VPS13D: variants seen among roughly 807,000 people sequenced by gnomAD.
The protein encoded by VPS13D is intermembrane lipid transfer protein VPS13D.
VPS13D carries 187 observed loss-of-function variants against 461.9 expected under a neutral mutation model. The ratio of observed to expected loss-of-function variants is 0.40; its 90% CI spans 0.36 to 0.46. VPS13D has a LOEUF of 0.46. Ranked by LOEUF, VPS13D falls within the 20% of genes least tolerant of loss-of-function variation. VPS13D has a pLI of 0.60. For missense variants in VPS13D, 4,711 were observed against 5,364.9 expected, an observed-to-expected ratio of 0.88 and a Z score of 3.81; for synonymous variants, 1,951 against 1,986.3, an observed-to-expected ratio of 0.98 and a Z score of 0.47.
chr1:12,372,465 T>A (rs1226136958), intron 54 of VPS13D, among the ~76,000 whole-genome samples: 3 of 152,202 alleles, frequency 2.0e-5, no homozygotes, highest in Admixed American at 6.5e-5. Context: ...TAACTAATGA[T>A]GTTATGCGTC....
intron 61 of VPS13D, 111 bp from the exon 62 acceptor site, chr1:12,401,497 T>A: frequency 1.4e-6 from 1 of 709,962 alleles, no homozygotes; most frequent in Non-Finnish European, 2.3e-6. Context: ...ATTATAGTTA[T>A]AAAGCCACAT....
At chr1:12,239,606 G>T (rs1640278617) in intron 2 of VPS13D, among the ~76,000 whole-genome samples, 1 of 152,224 alleles carries the variant, frequency 6.6e-6, no homozygotes, top group Non-Finnish European at 1.5e-5. Flanking sequence ...CTGAACTTCA[G>T]CCTGGGGGCC....
rs367612289 is a variant in VPS13D, at chr1:12,395,783, C to T, written c.11635-4398C>T. On this transcript the variant is annotated intron_variant, in intron 60 of 69. Transcript: ENST00000620676. ...CATTTATTTTGCATAATTCTCCAAACGGTTCACGCCAAGGACTATCAGCAT... is the reference window on the plus strand; with the variant it reads ...CATTTATTTTGCATAATTCTCCAAATGGTTCACGCCAAGGACTATCAGCAT... Among the ~76,000 whole-genome samples the T allele has an allele frequency of 1.9e-3, 285 of 151,682 alleles. 4 individuals carry two copies. Among genetic ancestry groups the T allele is most frequent in the African/African-American group, 5.5e-3 (226 of 41,256 alleles).
chr1:12,420,706 C>T (rs1644852273), intron 65 of VPS13D, among the ~76,000 whole-genome samples: 1 of 152,146 alleles, frequency 6.6e-6, no homozygotes, highest in Non-Finnish European at 1.5e-5. Context: ...GGCTGGTAGT[C>T]AGGATTGCCA....
Position 12,257,042 on chromosome 1 carries a change from A to G in VPS13D, c.896A>G (p.Gln299Arg). 2 of 1,614,230 alleles carry G rather than the reference A, an allele frequency of 1.2e-6. No individual in the cohort carries two copies. Among genetic ancestry groups the G allele is most frequent in the Non-Finnish European group, 1.7e-6 (2 of 1,180,036 alleles). Residue 299 changes from glutamine (Q) to arginine (R), a missense_variant, in exon 9 of 70, where the codon CAG becomes CGG. By Grantham distance (43) the Gln-to-Arg change is conservative (BLOSUM62 1). Coordinates refer to ENST00000620676, the MANE Select transcript of VPS13D (RefSeq NM_015378.4). Reference sequence around the variant, plus strand: ...AAGGAGCTGGAACGAAAGGAGAGGCAGGTGAAGTTCCGAAGGTGGAAACCC... The same window carrying G: ...AAGGAGCTGGAACGAAAGGAGAGGCGGGTGAAGTTCCGAAGGTGGAAACCC... The part of the protein sequence containing the change: ...FLKELERKER[Q>R]VKFRRWKPKV...
chr1:12,380,070 C>T (rs866442543), intron 57 of VPS13D, among the ~76,000 whole-genome samples: 16 of 152,018 alleles, frequency 1.1e-4, no homozygotes, highest in African/African-American at 3.4e-4. Flanking sequence ...CGCCCAGCCC[C>T]GCATTTGTGT....
At chr1:12,280,136 CT>C (rs942713358) in intron 20 of VPS13D, among the ~76,000 whole-genome samples, 3 of 152,018 alleles carry the variant, frequency 2.0e-5, no homozygotes, top group Non-Finnish European at 2.9e-5. Flanking sequence ...TACACCTTTT[CT>C]TTTTTTTCCT....
chr1:12,303,389 C>G (rs552002672), intron 25 of VPS13D, among the ~76,000 whole-genome samples: 1 of 152,240 alleles, frequency 6.6e-6, no homozygotes, highest in South Asian at 2.1e-4. Context: ...TTAATCTTCT[C>G]AAGCCACTGA....
intron 65 of VPS13D, among the ~76,000 whole-genome samples, chr1:12,452,098 C>G (rs1449773731): frequency 6.6e-6 from 1 of 152,218 alleles, no homozygotes; most frequent in Non-Finnish European, 1.5e-5. Flanking sequence ...CTACTGAGGT[C>G]TTGAAGGCAA....
At chr1:12,469,599 G>A (rs910744004) in intron 67 of VPS13D, among the ~76,000 whole-genome samples, 3 of 152,244 alleles carry the variant, frequency 2.0e-5, no homozygotes, top group African/African-American at 4.8e-5. Context: ...AGCACATATC[G>A]GCAATGATGG....
At chr1:12,497,882 T>C (rs1645981662) in intron 68 of VPS13D, among the ~76,000 whole-genome samples, 1 of 152,220 alleles carries the variant, frequency 6.6e-6, no homozygotes, top group African/African-American at 2.4e-5. Context: ...AAAATGACAG[T>C]CTCTTTCTAG....
At chr1:12,434,565 CT>C (rs1645034835) in intron 65 of VPS13D, among the ~76,000 whole-genome samples, 1 of 152,114 alleles carries the variant, frequency 6.6e-6, no homozygotes, top group African/African-American at 2.4e-5. Context: ...TTTTCCTGTA[CT>C]TTCGTTTGTT....
At chr1:12,234,572 TA>T (rs1204028230) in intron 2 of VPS13D, among the ~76,000 whole-genome samples, 1 of 152,186 alleles carries the variant, frequency 6.6e-6, no homozygotes, top group Non-Finnish European at 1.5e-5. Context: ...TATTAAATAT[TA>T]AAAAACAAAA....
intron 36 of VPS13D, among the ~76,000 whole-genome samples, chr1:12,329,336 C>T (rs1233055326): frequency 6.6e-6 from 1 of 152,162 alleles, no homozygotes; most frequent in Non-Finnish European, 1.5e-5. Flanking sequence ...GCCTCAGCCT[C>T]CCAAATAACT....
chr1:12,497,251 G>A, intron 67 of VPS13D: 1 of 277,360 alleles, frequency 3.6e-6, no homozygotes, highest in Non-Finnish European at 6.8e-6. Context: ...CGGAAACTGA[G>A]GGTTAAGGAA....
At chr1:12,437,747 A>C (rs1262870599) in intron 65 of VPS13D, among the ~76,000 whole-genome samples, 1 of 152,162 alleles carries the variant, frequency 6.6e-6, no homozygotes, top group African/African-American at 2.4e-5. Flanking sequence ...GTTTATCTTG[A>C]GACAGGAATG....
At position 12,356,101 on chromosome 1, in the gene VPS13D, G is replaced by T; in HGVS notation, c.9871+11G>T. 1 of 1,590,518 alleles carries T rather than the reference G, an allele frequency of 6.3e-7. No individual in the cohort carries two copies. Among genetic ancestry groups the T allele is most frequent in the South Asian group, 1.1e-5 (1 of 88,688 alleles). The stretch of plus-strand genomic sequence containing the variant: ...TGATTAACAAAACAGGTACATACAG[G>T]GGCTGCTCAAGTAGGTCTTTGGCGT... On this transcript the variant is annotated intron_variant, in intron 48 of 69. Transcript: ENST00000620676.
At chr1:12,251,327 G>A (rs962467474) in intron 6 of VPS13D, among the ~76,000 whole-genome samples, 5 of 152,178 alleles carry the variant, frequency 3.3e-5, no homozygotes, top group Admixed American at 3.3e-4. Flanking sequence ...TCACAGTGTC[G>A]TGCTACTTTT....
rs770602410 is a variant in VPS13D at position 12,308,478 on chromosome 1, A to G, written c.6487A>G (p.Met2163Val). The G allele has an allele frequency of 3.7e-6, 6 of 1,613,966 alleles. No homozygotes were observed. Among genetic ancestry groups the G allele is most frequent in the Non-Finnish European group, 5.1e-6 (6 of 1,180,018 alleles). The change falls in exon 27 of 70, where the codon ATG becomes GTG. Residue 2163 changes from methionine to valine, a missense_variant. Physicochemically the swap from Met to Val is conservative, Grantham distance 21 (BLOSUM62 1). Coordinates refer to ENST00000620676, the MANE Select transcript of VPS13D (RefSeq NM_015378.4). ...LDCVVVDLQD[M>V]DIFAAERHPR... is the part of the protein sequence containing the mutation. ...TTGCGTTGTCGTGGATCTCCAGGAC[A>G]TGGACATCTTTGCTGCAGAGAGACA...
Sources: allele counts gnomAD v4.1 joint callset (sites outside exome capture counted in the v4.1 genomes callset), GRCh38; gene constraint gnomAD v4.1.1; transcripts MANE v1.5; gene names NCBI Gene and HGNC (gene_info 2026-07-23, HGNC 2026-07-21).